TEAD4: variants seen among roughly 807,000 people sequenced by gnomAD.
TEAD4 encodes TEA domain transcription factor 4.
TEAD4 carries 36 observed loss-of-function variants against 52.4 expected under a neutral mutation model. That is an observed-to-expected ratio of 0.69 (90% CI 0.53 to 0.91). The LOEUF is 0.91. Ranked by LOEUF, TEAD4 falls within the 40% of genes least tolerant of loss-of-function variation. The pLI, the probability that TEAD4 is intolerant of heterozygous loss-of-function variation, is 0.00. For synonymous variants in TEAD4, 220 were observed against 231.0 expected (o/e 0.95, Z 0.43); for missense variants, 508 against 583.9 (o/e 0.87, Z 1.34).
At chr12:3,010,017 G>A (rs762840577) in intron 3 of TEAD4, among the ~76,000 whole-genome samples, 7 of 152,276 alleles carry the variant, frequency 4.6e-5, no homozygotes, top group South Asian at 2.1e-4. Context: ...TCCCGGTTCC[G>A]CAGCACAGGG....
intron 3 of TEAD4, among the ~76,000 whole-genome samples, chr12:3,008,462 G>T (rs1192377391): frequency 6.6e-6 from 1 of 152,198 alleles, no homozygotes; most frequent in Non-Finnish European, 1.5e-5. Flanking sequence ...TAAGGACTTG[G>T]ACACTGTTAA....
intron 5 of TEAD4, among the ~76,000 whole-genome samples, chr12:3,013,744 A>G (rs965611259): frequency 1.5e-4 from 23 of 152,094 alleles, no homozygotes; most frequent in Non-Finnish European, 3.4e-4. Context: ...AAAAAAAGCC[A>G]CTGGGCTAGC....
chr12:2,980,139 C>T (rs1157334144), intron 2 of TEAD4, among the ~76,000 whole-genome samples: 1 of 152,122 alleles, frequency 6.6e-6, no homozygotes, highest in Non-Finnish European at 1.5e-5. Flanking sequence ...AGTCAGTTCA[C>T]CTCTCAGGGC....
intron 10 of TEAD4, among the ~76,000 whole-genome samples, chr12:3,036,682 T>C (rs967128994): frequency 6.6e-6 from 1 of 152,178 alleles, no homozygotes; most frequent in Non-Finnish European, 1.5e-5. Flanking sequence ...GCCTTTGTAA[T>C]GTGCCTGTGC....
chr12:2,986,180 C>T (rs1470977887), intron 2 of TEAD4, among the ~76,000 whole-genome samples: 1 of 152,210 alleles, frequency 6.6e-6, no homozygotes, highest in Non-Finnish European at 1.5e-5. Flanking sequence ...CACTGTCTTC[C>T]ACCTGCATGT....
At chr12:2,986,438 G>A (rs1269414573) in intron 2 of TEAD4, among the ~76,000 whole-genome samples, 1 of 151,984 alleles carries the variant, frequency 6.6e-6, no homozygotes, top group Non-Finnish European at 1.5e-5. Context: ...AGGAGTTCGA[G>A]ACCAGCCTGG....
chr12:2,991,671 A>G lies in TEAD4; in HGVS notation c.-29-3067A>G, dbSNP rs2098243092. ...AGCAAGACTCCGTCCCCCCACAAAA[A>G]AAAAGAAGTTTGTTTTGGAAGTATG... On this transcript the variant is annotated intron_variant, in intron 2 of 12. Coordinates refer to ENST00000359864, the MANE Select transcript of TEAD4 (RefSeq NM_003213.4). Among the ~76,000 whole-genome samples the G allele has an allele frequency of 2.0e-5, 3 of 152,148 alleles. No homozygotes were observed. In the South Asian group the frequency reaches 6.2e-4, roughly 32 times the overall value.
chr12:3,030,124 G>A (rs887541882), intron 10 of TEAD4, among the ~76,000 whole-genome samples: 14 of 152,208 alleles, frequency 9.2e-5, no homozygotes, highest in African/African-American at 2.2e-4. Context: ...CCTGAGACCT[G>A]TTGCCCTCCT....
chr12:3,003,310 C>T (rs1039533139), intron 3 of TEAD4, among the ~76,000 whole-genome samples: 4 of 152,172 alleles, frequency 2.6e-5, no homozygotes, highest in East Asian at 3.8e-4. Flanking sequence ...TAACAGTAAT[C>T]GCTGACCTTG....
At chr12:2,983,477 C>T (rs758287916) in intron 2 of TEAD4, among the ~76,000 whole-genome samples, 14 of 152,122 alleles carry the variant, frequency 9.2e-5, no homozygotes, top group Non-Finnish European at 1.9e-4. Flanking sequence ...AGAAAGGACC[C>T]TGGATCCCAA....
At chr12:3,004,649 G>A (rs2098254402) in intron 3 of TEAD4, among the ~76,000 whole-genome samples, 2 of 152,318 alleles carry the variant, frequency 1.3e-5, no homozygotes, top group Admixed American at 6.5e-5. Context: ...TCATTTAGCT[G>A]TTGTGAGGAT....
At chr12:3,032,765 A>G (rs2098276545) in intron 10 of TEAD4, among the ~76,000 whole-genome samples, 2 of 152,112 alleles carry the variant, frequency 1.3e-5, no homozygotes, top group Non-Finnish European at 2.9e-5. Context: ...GCCGGAGGCC[A>G]GGGCACCTTG....
chr12:3,037,971 G>A lies in TEAD4; in HGVS notation c.901G>A (p.Asp301Asn), dbSNP rs1313720511. 6.2e-7 allele frequency: 1 copy of A among 1,612,896 alleles called. No individual in the cohort carries two copies. The highest frequency in any genetic ancestry group is 8.5e-7 in the Non-Finnish European group (1 of 1,179,326). ...CCTTCCCACTGTCTCCCTCCAGGCA[G>A]ACCTCAACACCAACATCGAGGATGA... is the stretch of plus-strand genomic sequence containing the variant. Residue 301 changes from aspartate to asparagine, a missense_variant, in exon 11 of 13, where the codon GAC (aspartate) becomes AAC (asparagine). By Grantham distance (23) the Asp-to-Asn change is conservative (BLOSUM62 1). Transcript: ENST00000359864.
At position 3,040,201 on chromosome 12, in the gene TEAD4, A is replaced by G. The variant is rs373443172; in HGVS notation, c.1133A>G (p.Lys378Arg). The G allele has an allele frequency of 8.1e-6, 13 of 1,614,104 alleles. No homozygotes were observed. The highest frequency in any genetic ancestry group is 1.0e-5 in the Non-Finnish European group (12 of 1,180,058). The change falls in exon 12 of 13, where the codon AAG becomes AGG. Residue 378 changes from lysine (K) to arginine (R), a missense_variant. Physicochemically the swap from Lys to Arg is conservative, Grantham distance 26. Coordinates refer to ENST00000359864, the MANE Select transcript of TEAD4 (RefSeq NM_003213.4). ...ATGATCAACTTCATCCACAAGCTCA[A>G]GCACCTCCCTGAGAAGTACATGATG...
chr12:2,975,356 CATTATTATTATTATTATTATTATTATT>C (rs58872768), intron 2 of TEAD4, among the ~76,000 whole-genome samples: 3 of 148,184 alleles, frequency 2.0e-5, no homozygotes, highest in East Asian at 2.0e-4. Flanking sequence ...AATATCGGCA[CATTATTATTATTATTATTATTATTATT>C]ATTATTATTA....
chr12:3,025,524 CT>C (rs796603026), intron 10 of TEAD4, among the ~76,000 whole-genome samples: 5,871 of 145,520 alleles, frequency 0.04, 366 homozygotes, highest in African/African-American at 0.13. Flanking sequence ...AAAATGATGA[CT>C]TTTTTTTTTT....
At chr12:3,017,581 C>T in intron 6 of TEAD4, 55 bp downstream of exon 6, 1 of 1,559,240 alleles carries the variant, frequency 6.4e-7, no homozygotes, top group South Asian at 1.2e-5. Context: ...CCTCCCTCCT[C>T]CCTGTTCAGA....
intron 3 of TEAD4, among the ~76,000 whole-genome samples, chr12:3,003,969 T>G (rs2098253770): frequency 6.6e-6 from 1 of 152,228 alleles, no homozygotes; most frequent in East Asian, 1.9e-4. Flanking sequence ...TGGCCCTTCT[T>G]TGCCGGCCTT....
intron 2 of TEAD4, among the ~76,000 whole-genome samples, chr12:2,986,298 G>A (rs1451106979): frequency 6.6e-6 from 1 of 151,224 alleles, no homozygotes; most frequent in Non-Finnish European, 1.5e-5. Context: ...GCCTGAGGCT[G>A]TTTTACAGTA....
Sources: allele counts gnomAD v4.1 joint callset (sites outside exome capture counted in the v4.1 genomes callset), GRCh38; gene constraint gnomAD v4.1.1; transcripts MANE v1.5; gene names NCBI Gene and HGNC (gene_info 2026-07-23, HGNC 2026-07-21).